Variants in NALF1 observed in about 807,000 individuals in gnomAD.
NALF1 encodes the protein family with sequence similarity 155 member A.
Under a neutral mutation model 48.4 loss-of-function variants are expected in NALF1, and 3 were observed. That is an observed-to-expected ratio of 0.06 (90% CI 0.03 to 0.16). The LOEUF is 0.16. Among genes scored for constraint, NALF1 ranks in the 10% least tolerant of loss-of-function variants. The probability of loss-of-function intolerance (pLI) is 1.00; values close to 1 mark genes in which losing one functional copy is unlikely to be tolerated. For synonymous variants in NALF1, 262 were observed against 245.7 expected (o/e 1.07, Z -0.62); for missense variants, 526 against 571.5 (o/e 0.92, Z 0.81).
chr13:107,838,121 C>T (rs1879949767), intron 1 of NALF1, among the ~76,000 whole-genome samples: 1 of 152,138 alleles, frequency 6.6e-6, no homozygotes, highest in Admixed American at 6.6e-5. Context: ...TCTAAAGAGC[C>T]TGCCATGGAC....
At chr13:107,533,415 A>C (rs1463342159) in intron 1 of NALF1, among the ~76,000 whole-genome samples, 2 of 152,082 alleles carry the variant, frequency 1.3e-5, no homozygotes, top group Non-Finnish European at 2.9e-5. Flanking sequence ...CCCTTCTGAA[A>C]AGGGCTTTCA....
chr13:107,622,928 G>C (rs955473439), intron 1 of NALF1, among the ~76,000 whole-genome samples: 13 of 152,120 alleles, frequency 8.5e-5, no homozygotes, highest in African/African-American at 3.1e-4. Flanking sequence ...ATCTGGGACA[G>C]ACATTTACAG....
At chr13:107,691,728 A>G (rs146211000) in intron 1 of NALF1, among the ~76,000 whole-genome samples, 36 of 152,344 alleles carry the variant, frequency 2.4e-4, no homozygotes, top group African/African-American at 6.5e-4. Flanking sequence ...AGGTCATACG[A>G]ATAAAAATAA....
chr13:107,340,392 C>T (rs372643564), intron 1 of NALF1, among the ~76,000 whole-genome samples: 3 of 151,924 alleles, frequency 2.0e-5, no homozygotes, highest in South Asian at 2.1e-4. Flanking sequence ...CCGTTCGCTT[C>T]AGCCTCCCAA....
intron 1 of NALF1, among the ~76,000 whole-genome samples, chr13:107,757,383 C>A (rs1208578807): frequency 6.7e-6 from 1 of 148,150 alleles, no homozygotes; most frequent in Non-Finnish European, 1.5e-5. Flanking sequence ...TGGAGAGCTT[C>A]ACATTCCAGT....
At chr13:107,576,702 T>TG (rs1195044213) in intron 1 of NALF1, among the ~76,000 whole-genome samples, 2 of 152,014 alleles carry the variant, frequency 1.3e-5, no homozygotes, top group African/African-American at 4.8e-5. Context: ...CCAGACAAAT[T>TG]GGAAAGGCCA....
At chr13:107,291,624 G>A (rs1226836113) in intron 1 of NALF1, among the ~76,000 whole-genome samples, 1 of 151,958 alleles carries the variant, frequency 6.6e-6, no homozygotes, top group Non-Finnish European at 1.5e-5. Flanking sequence ...AGATACTTTG[G>A]ATAAGGGATA....
chr13:107,164,669 C>A lies in NALF1; in HGVS notation c.*5828G>T, dbSNP rs754787486. The A allele has an allele frequency of 1.5e-4, 23 of 151,800 alleles. No individual in the cohort carries two copies. The highest frequency in any genetic ancestry group is 2.9e-4 in the Non-Finnish European group (20 of 67,994). The allele number at this position is 151,800 out of a possible 1,614,324, so 9.4% of individuals were successfully genotyped here. ...TTTTGGGAGTGGAAATCGAAAATAG[C>A]CAATGCTGTTTATATTAAAAGTCAT... On this transcript the variant is annotated 3_prime_UTR_variant, in exon 3 of 3. Transcript: ENST00000375915.
chr13:107,599,055 A>C (rs542886895), intron 1 of NALF1, among the ~76,000 whole-genome samples: 1 of 152,282 alleles, frequency 6.6e-6, no homozygotes, highest in Admixed American at 6.5e-5. Flanking sequence ...AAGTTATTTT[A>C]CTGAACATTT....
intron 1 of NALF1, among the ~76,000 whole-genome samples, chr13:107,424,727 C>CTTGATA (rs1884250314): frequency 6.6e-6 from 1 of 152,140 alleles, no homozygotes; most frequent in Admixed American, 6.5e-5. Context: ...GGGAGAGATA[C>CTTGATA]TTGATATTTA....
At chr13:107,829,435 T>A (rs1879640088) in intron 1 of NALF1, among the ~76,000 whole-genome samples, 1 of 152,156 alleles carries the variant, frequency 6.6e-6, no homozygotes, top group Non-Finnish European at 1.5e-5. Context: ...AATGTTGACA[T>A]AAATATACTC....
rs185454785 is a variant in NALF1, at chr13:107,345,532, C to G, written c.916-134777G>C. On this transcript the variant is annotated intron_variant, in intron 1 of 2. Transcript: ENST00000375915. ...ATATGGCCAAGTGATCTTTGACAAG[C>G]ATGCAAAGTCTACACAATATGGAAA... 1.3e-3 allele frequency among the ~76,000 whole-genome samples: 195 copies of G among 152,234 alleles called. 4 individuals are homozygous for G. Among genetic ancestry groups the G allele is most frequent in the South Asian group, 6.0e-3 (29 of 4,822 alleles).
chr13:107,502,129 C>T (rs540432270), intron 1 of NALF1, among the ~76,000 whole-genome samples: 11 of 152,186 alleles, frequency 7.2e-5, no homozygotes, highest in East Asian at 3.9e-4. Context: ...AGATTATACC[C>T]TTTGTCTTAA....
intron 1 of NALF1, among the ~76,000 whole-genome samples, chr13:107,386,072 C>G (rs1185025148): frequency 1.3e-5 from 2 of 151,558 alleles, no homozygotes; most frequent in Non-Finnish European, 2.9e-5. Flanking sequence ...GAGCTTCCAC[C>G]TTTAAATGTC....
chr13:107,706,083 G>A (rs1024469748), intron 1 of NALF1, among the ~76,000 whole-genome samples: 10 of 152,044 alleles, frequency 6.6e-5, no homozygotes, highest in Non-Finnish European at 4.4e-5. Context: ...TTAGATATCC[G>A]GATAAAAGGC....
chr13:107,300,566 C>A (rs554132023), intron 1 of NALF1, among the ~76,000 whole-genome samples: 1 of 152,198 alleles, frequency 6.6e-6, no homozygotes, highest in East Asian at 1.9e-4. Flanking sequence ...TCCAAAGTAT[C>A]CACACTTAGT....
chr13:107,819,592 C>T (rs1305354527), intron 1 of NALF1, among the ~76,000 whole-genome samples: 4 of 152,020 alleles, frequency 2.6e-5, no homozygotes, highest in African/African-American at 9.7e-5. Context: ...GGCCACGGAG[C>T]AAGGTCTAGA....
chr13:107,839,900 C>T (rs2138634143), intron 1 of NALF1, among the ~76,000 whole-genome samples: 1 of 152,186 alleles, frequency 6.6e-6, no homozygotes, highest in South Asian at 2.1e-4. Flanking sequence ...ACTTGTATCT[C>T]CTTCCCTTTA....
intron 1 of NALF1, among the ~76,000 whole-genome samples, chr13:107,283,847 A>G (rs1226252229): frequency 1.3e-5 from 2 of 151,508 alleles, no homozygotes; most frequent in Non-Finnish European, 2.9e-5. Context: ...TTTAGTAGAG[A>G]CGGGGGTTTC....
Sources: gnomAD v4.1 joint callset for allele counts (sites outside exome capture counted in the v4.1 genomes callset) on GRCh38, gnomAD v4.1.1 for gene constraint, MANE v1.5 for transcripts, NCBI Gene and HGNC (gene_info 2026-07-23, HGNC 2026-07-21) for gene names.